Variants in CAAP1 observed in about 807,000 individuals in gnomAD.
The protein encoded by CAAP1 is caspase activity and apoptosis inhibitor 1.
CAAP1 carries 20 observed loss-of-function variants against 34.0 expected under a neutral mutation model. The observed-to-expected ratio is 0.59, with a 90% CI of 0.41 to 0.86. The LOEUF (loss-of-function observed/expected upper bound fraction) is 0.86. Ranked by LOEUF, CAAP1 falls within the 40% of genes least tolerant of loss-of-function variation. CAAP1 has a pLI of 0.00. For missense variants in CAAP1, 538 were observed against 450.5 expected (o/e 1.19, Z -1.76); for synonymous variants, 213 against 166.7 (o/e 1.28, Z -2.14).
intron 4 of CAAP1, among the ~76,000 whole-genome samples, chr9:26,877,326 C>T (rs1823464078): frequency 6.6e-6 from 1 of 152,034 alleles, no homozygotes; most frequent in African/African-American, 2.4e-5. Context: ...CATTTCTGGC[C>T]CCAAGCATTT....
intron 5 of CAAP1, among the ~76,000 whole-genome samples, chr9:26,848,086 A>G (rs1003651855): frequency 4.6e-5 from 7 of 152,262 alleles, no homozygotes; most frequent in Non-Finnish European, 1.0e-4. Flanking sequence ...AATCTTATGC[A>G]TAAGAACTGT....
Position 26,892,394 on chromosome 9 carries a change from C to T in CAAP1, c.303+19G>A. On this transcript the variant is annotated intron_variant, in intron 1 of 5. Transcript: ENST00000333916. ...AAAAGCAGCAGCTCCAGGAAGCGGCCAGAGGGGCGCGCACGCACCTGCTGC... is the reference window on the plus strand; with the variant it reads ...AAAAGCAGCAGCTCCAGGAAGCGGCTAGAGGGGCGCGCACGCACCTGCTGC... 6.2e-7 allele frequency: 1 copy of T among 1,603,842 alleles called. No homozygotes were observed.
In CAAP1 at chr9:26,884,839, A is replaced by C; in HGVS notation, c.636T>G (p.Gly212=). ...TGACTAAATCAGATCCCATCTTAGAACCATCATCTGCTTCCTCTTCCATAT... is the reference window on the plus strand; with the variant it reads ...TGACTAAATCAGATCCCATCTTAGACCCATCATCTGCTTCCTCTTCCATAT... ...DSDMEEEADD[G]SKMGSDLVSQ... Residue 212 remains glycine, a synonymous_variant, in exon 4 of 6, where the codon GGT becomes GGG. Transcript: ENST00000333916. 1.9e-6 allele frequency: 3 copies of C among 1,609,776 alleles called. No homozygotes were observed. The highest frequency in any genetic ancestry group is 1.1e-5 in the South Asian group (1 of 90,980).
chr9:26,877,132 A>C (rs1018513842), intron 4 of CAAP1, among the ~76,000 whole-genome samples: 2 of 152,240 alleles, frequency 1.3e-5, no homozygotes, highest in Non-Finnish European at 2.9e-5. Flanking sequence ...CAAAAGAGCG[A>C]GACCTGCCTC....
intron 4 of CAAP1, among the ~76,000 whole-genome samples, chr9:26,862,627 G>T (rs1376159304): frequency 1.3e-5 from 2 of 152,032 alleles, no homozygotes; most frequent in African/African-American, 4.8e-5. Context: ...AAAATACAAA[G>T]GCTGTGGATC....
At chr9:26,855,090 A>C (rs959730370) in intron 5 of CAAP1, among the ~76,000 whole-genome samples, 6 of 152,276 alleles carry the variant, frequency 3.9e-5, no homozygotes, top group African/African-American at 1.4e-4. Context: ...GAAGCATCCA[A>C]GATGTTATGG....
rs1563897618 is a variant in CAAP1 at position 26,892,559 on chromosome 9, TGACGCTCCCGCAGCCCCC to T, written c.139_156del (p.Gly47_Val52del). 8 of 1,587,352 alleles carry T rather than the reference TGACGCTCCCGCAGCCCCC, an allele frequency of 5.0e-6. No individual in the cohort carries two copies. The highest frequency in any genetic ancestry group is 6.0e-6 in the Non-Finnish European group (7 of 1,167,382). Reference sequence around the variant, plus strand: ...CTAAAATTGGCGTTCCCACAGCAGCTGACGCTCCCGCAGCCCCCGGCGCTCCCGCAGCCGCTAGTGCTT... The same window carrying T: ...CTAAAATTGGCGTTCCCACAGCAGCTGGCGCTCCCGCAGCCGCTAGTGCTT... On this transcript the variant is annotated inframe_deletion, in exon 1 of 6. Coordinates refer to ENST00000333916, the MANE Select transcript of CAAP1 (RefSeq NM_024828.4).
chr9:26,864,549 G>T (rs1049346201), intron 4 of CAAP1, among the ~76,000 whole-genome samples: 3 of 152,042 alleles, frequency 2.0e-5, no homozygotes, highest in Admixed American at 1.3e-4. Context: ...ACCACACCCC[G>T]GTGCTTTTTC....
chr9:26,864,904 T>C (rs1336320514), intron 4 of CAAP1, among the ~76,000 whole-genome samples: 1 of 152,216 alleles, frequency 6.6e-6, no homozygotes, highest in East Asian at 1.9e-4. Context: ...AAACTGTTAT[T>C]TTGAATAAAC....
At chr9:26,873,858 C>T (rs2383718) in intron 4 of CAAP1, among the ~76,000 whole-genome samples, 16,183 of 152,120 alleles carry the variant, frequency 0.11, 1,214 homozygotes, top group Non-Finnish European at 0.16. Context: ...TGCTCATTTT[C>T]TTTTCCCTAA....
intron 4 of CAAP1, among the ~76,000 whole-genome samples, chr9:26,869,075 T>C (rs966285184): frequency 6.6e-6 from 1 of 151,912 alleles, no homozygotes; most frequent in Non-Finnish European, 1.5e-5. Context: ...TATAAGAAAA[T>C]AGATGAAGCA....
chr9:26,855,077 T>G (rs1203351469), intron 5 of CAAP1, among the ~76,000 whole-genome samples: 2 of 152,226 alleles, frequency 1.3e-5, no homozygotes, highest in Non-Finnish European at 2.9e-5. Flanking sequence ...TTGCCAAAAC[T>G]TGGAAGCATC....
rs184150582 is a variant in CAAP1 at position 26,872,540 on chromosome 9, T to C, written c.666-11401A>G. ...TAAATGGAGATTTTAAATAGACAGA[T>C]AGATATACATATAATATATATATAT... is the stretch of plus-strand genomic sequence containing the variant. On this transcript the variant is annotated intron_variant, in intron 4 of 5. Coordinates refer to ENST00000333916, the MANE Select transcript of CAAP1 (RefSeq NM_024828.4). Among the ~76,000 whole-genome samples the C allele has an allele frequency of 1.3e-3, 189 of 145,150 alleles. 3 individuals carry two copies. The highest frequency in any genetic ancestry group is 4.7e-3 in the African/African-American group (173 of 36,646).
intron 1 of CAAP1, among the ~76,000 whole-genome samples, chr9:26,891,849 TATTC>T (rs1178261284): frequency 1.3e-5 from 2 of 152,238 alleles, no homozygotes; most frequent in Non-Finnish European, 2.9e-5. Flanking sequence ...TTAAAGTACC[TATTC>T]ATTCATTTGT....
intron 4 of CAAP1, among the ~76,000 whole-genome samples, chr9:26,875,129 A>G (rs1486416373): frequency 1.3e-5 from 2 of 152,214 alleles, no homozygotes; most frequent in Non-Finnish European, 2.9e-5. Flanking sequence ...TAAAACTATA[A>G]TAAAAGACAT....
intron 5 of CAAP1, among the ~76,000 whole-genome samples, chr9:26,846,978 C>A (rs141564018): frequency 2.0e-5 from 3 of 151,884 alleles, no homozygotes; most frequent in African/African-American, 7.3e-5. Context: ...TGAGCCACTG[C>A]GCCCGGCCAA....
intron 5 of CAAP1, among the ~76,000 whole-genome samples, chr9:26,847,317 C>T (rs1390464618): frequency 7.0e-6 from 1 of 143,352 alleles, no homozygotes; most frequent in East Asian, 2.2e-4. Context: ...CGGGTTCACG[C>T]CATTCTCCCG....
chr9:26,864,578 G>A, intron 4 of CAAP1, among the ~76,000 whole-genome samples: 1 of 152,084 alleles, frequency 6.6e-6, no homozygotes, highest in South Asian at 2.1e-4. Flanking sequence ...GATTCTCTAA[G>A]GCTTCATTGT....
At chr9:26,879,424 A>G (rs185976271) in intron 4 of CAAP1, among the ~76,000 whole-genome samples, 1 of 152,336 alleles carries the variant, frequency 6.6e-6, no homozygotes, top group African/African-American at 2.4e-5. Context: ...ATAAAAATGG[A>G]AAAACTGGAA....
Sources: allele counts gnomAD v4.1 joint callset (sites outside exome capture counted in the v4.1 genomes callset), GRCh38; gene constraint gnomAD v4.1.1; transcripts MANE v1.5; gene names NCBI Gene and HGNC (gene_info 2026-07-23, HGNC 2026-07-21).